The following SAMSN1 variants were observed in gnomAD, a reference collection of about 807,000 sequenced individuals.
SAMSN1 encodes SAM domain-containing protein SAMSN-1.
In SAMSN1, 31 loss-of-function variants were observed where a neutral mutation model predicts 42.0. That is an observed-to-expected ratio of 0.74 (90% CI 0.55 to 1.00). The LOEUF is 1.00. Ranked by LOEUF, SAMSN1 falls within the 50% of genes least tolerant of loss-of-function variation. The pLI is 0.00. For synonymous variants in SAMSN1, 178 were observed against 151.9 expected, an observed-to-expected ratio of 1.17 and a Z score of -1.26; for missense variants, 464 against 439.4, an observed-to-expected ratio of 1.06 and a Z score of -0.50.
intron 3 of SAMSN1, among the ~76,000 whole-genome samples, chr21:14,514,734 T>C (rs1483790794): frequency 6.6e-6 from 1 of 152,210 alleles, no homozygotes; most frequent in Non-Finnish European, 1.5e-5. Context: ...CTGGGAATAC[T>C]GGATGAGAAA....
At chr21:14,528,527 C>G (rs1979029745) in intron 1 of SAMSN1, among the ~76,000 whole-genome samples, 1 of 152,162 alleles carries the variant, frequency 6.6e-6, no homozygotes, top group Non-Finnish European at 1.5e-5. Flanking sequence ...TTGGCCCAAC[C>G]TCTGAAACTT....
intron 7 of SAMSN1, among the ~76,000 whole-genome samples, chr21:14,493,905 A>T (rs1340247905): frequency 1.3e-5 from 2 of 152,164 alleles, no homozygotes; most frequent in East Asian, 1.9e-4. Context: ...CAGGGTGGTT[A>T]TCCTCCTCCA....
intron 1 of SAMSN1, among the ~76,000 whole-genome samples, chr21:14,522,019 G>C (rs866473031): frequency 4.6e-5 from 7 of 152,096 alleles, no homozygotes; most frequent in African/African-American, 1.7e-4. Context: ...ATTGAAAGCA[G>C]CATTTAGGTA....
chr21:14,632,389 C>T (rs941844713), intron 2 of SAMSN1, among the ~76,000 whole-genome samples: 3 of 151,956 alleles, frequency 2.0e-5, no homozygotes, highest in Non-Finnish European at 4.4e-5. Flanking sequence ...AGTATCTTGT[C>T]ACATTAATTT....
chr21:14,529,104 C>A (rs1255309251), intron 1 of SAMSN1, among the ~76,000 whole-genome samples: 3 of 152,198 alleles, frequency 2.0e-5, no homozygotes, highest in African/African-American at 7.2e-5. Context: ...ATTTCTAACA[C>A]TTCTTGCTGG....
upstream of SAMSN1, among the ~76,000 whole-genome samples, chr21:14,546,629 A>G (rs1324102196): frequency 6.6e-6 from 1 of 151,792 alleles, no homozygotes; most frequent in East Asian, 1.9e-4. Flanking sequence ...ATCGGAGCCA[A>G]TAACTGAAAT....
chr21:14,531,549 G>C (rs1433253342), intron 1 of SAMSN1, among the ~76,000 whole-genome samples: 1 of 151,728 alleles, frequency 6.6e-6, no homozygotes, highest in Admixed American at 6.6e-5. Context: ...GGAAGAATGT[G>C]CAGTACTTTT....
intron 2 of SAMSN1, among the ~76,000 whole-genome samples, chr21:14,579,641 C>CTTTTT (rs1247868810): frequency 9.0e-5 from 8 of 89,132 alleles, no homozygotes; most frequent in African/African-American, 2.9e-4. Flanking sequence ...AAAATGCTCA[C>CTTTTT]TTTTTTTTTT....
rs149306631 is a variant in SAMSN1 at position 14,628,118 on chromosome 21, G to A, written c.157-12102C>T. ...AATTAAAACAAAGACAAATATACAC[G>A]ATGAAACACAACAGCATCCAATCAA... On this transcript the variant is annotated intron_variant, in intron 2 of 15. Coordinates refer to the SAMSN1 transcript ENST00000647101. Among the ~76,000 whole-genome samples, 131 of 152,194 alleles carry A rather than the reference G, an allele frequency of 8.6e-4. 2 individuals carry two copies. The South Asian group carries it at 0.011, about 13-fold the overall frequency.
At chr21:14,649,214 T>C (rs934007178) in intron 1 of SAMSN1, among the ~76,000 whole-genome samples, 3 of 141,950 alleles carry the variant, frequency 2.1e-5, no homozygotes, top group Admixed American at 1.5e-4. Context: ...TAGGTGGGAA[T>C]TGCACAATGA....
chr21:14,617,774 A>C lies in SAMSN1; in HGVS notation c.157-1758T>G, dbSNP rs369970250. ...CACAGTATTTTGGAACCAACTTCTT[A>C]TATCAGGATTCCTCTGCCTTTGCTA... On this transcript the variant is annotated intron_variant, in intron 2 of 15. Transcript: ENST00000647101. Among the ~76,000 whole-genome samples the C allele has an allele frequency of 2.0e-5, 3 of 152,364 alleles. No individual in the cohort carries two copies. The East Asian group carries it at 5.8e-4, about 29-fold the overall frequency.
chr21:14,583,661 A>G, upstream of SAMSN1: 1 of 717,372 alleles, frequency 1.4e-6, no homozygotes, highest in Non-Finnish European at 2.6e-6. Flanking sequence ...GAGGTTTATT[A>G]ATGTCGGTTT....
chr21:14,556,467 A>G (rs1483625463), intron 2 of SAMSN1, among the ~76,000 whole-genome samples: 2 of 152,228 alleles, frequency 1.3e-5, no homozygotes, highest in East Asian at 3.8e-4. Context: ...CTGCATATAT[A>G]CTTAGGTATA....
At chr21:14,512,220 C>G (rs374472798) in intron 4 of SAMSN1, among the ~76,000 whole-genome samples, 1 of 151,952 alleles carries the variant, frequency 6.6e-6, no homozygotes, top group Non-Finnish European at 1.5e-5. Flanking sequence ...CGAGGAGCCC[C>G]GTTGACTACA....
chr21:14,647,819 T>C (rs1238337187), intron 1 of SAMSN1, among the ~76,000 whole-genome samples: 1 of 145,056 alleles, frequency 6.9e-6, no homozygotes, highest in Non-Finnish European at 1.5e-5. Flanking sequence ...ATGCTTGTGA[T>C]TTTTGTACAT....
chr21:14,530,316 C>CAA (rs71183428), intron 1 of SAMSN1, among the ~76,000 whole-genome samples: 2,244 of 75,166 alleles, frequency 0.03, 75 homozygotes, highest in Middle Eastern at 0.052. Context: ...GACTCCGTCT[C>CAA]AAAAAAAAAA....
intron 4 of SAMSN1, among the ~76,000 whole-genome samples, chr21:14,512,035 G>A (rs1335131502): frequency 2.0e-5 from 3 of 152,058 alleles, no homozygotes; most frequent in African/African-American, 7.2e-5. Context: ...GCAGGGAAGA[G>A]GAAGGGAGAA....
At chr21:14,621,420 C>G (rs1488832231) in intron 2 of SAMSN1, among the ~76,000 whole-genome samples, 1 of 152,192 alleles carries the variant, frequency 6.6e-6, no homozygotes, top group Non-Finnish European at 1.5e-5. Context: ...ACAGATGGCA[C>G]CTGGAAAATC....
At chr21:14,580,222 C>A (rs1031989435) in intron 2 of SAMSN1, among the ~76,000 whole-genome samples, 8 of 152,120 alleles carry the variant, frequency 5.3e-5, no homozygotes, top group African/African-American at 1.9e-4. Context: ...TGTGAGACAG[C>A]CTTTAGGAAT....
Sources: allele counts gnomAD v4.1 joint callset (sites outside exome capture counted in the v4.1 genomes callset), GRCh38; gene constraint gnomAD v4.1.1; transcripts MANE v1.5; gene names NCBI Gene and HGNC (gene_info 2026-07-23, HGNC 2026-07-21).